TGFBR2: variants seen among roughly 807,000 people sequenced by gnomAD.
The protein encoded by TGFBR2 is TGF-beta receptor type-2.
A neutral mutation model predicts 49.0 loss-of-function variants in TGFBR2; 18 were observed. The ratio of observed to expected loss-of-function variants is 0.37; its 90% confidence interval spans 0.25 to 0.54. The LOEUF is 0.54. Ranked by LOEUF, TGFBR2 falls within the 20% of genes least tolerant of loss-of-function variation. TGFBR2 has a pLI of 0.85. For synonymous variants in TGFBR2, 282 were observed against 275.9 expected (o/e 1.02, Z -0.22); for missense variants, 525 against 722.6 (o/e 0.73, Z 3.13).
intron 3 of TGFBR2, among the ~76,000 whole-genome samples, chr3:30,663,544 A>G (rs559943416): frequency 8.5e-5 from 13 of 152,336 alleles, no homozygotes; most frequent in Admixed American, 2.0e-4. Context: ...CAAAAAAGCA[A>G]GGTTTGCCAT....
At chr3:30,659,341 T>C (rs192759465) in intron 3 of TGFBR2, among the ~76,000 whole-genome samples, 1 of 152,312 alleles carries the variant, frequency 6.6e-6, no homozygotes, top group African/African-American at 2.4e-5. Context: ...TTTGAGGTGA[T>C]GACTCAGAGC....
intron 5 of TGFBR2, 43 bp from the exon 6 acceptor site, chr3:30,688,341 A>G (rs1699658820): frequency 6.2e-7 from 1 of 1,613,920 alleles, no homozygotes; most frequent in Non-Finnish European, 8.5e-7. Flanking sequence ...TTGGCTGCAC[A>G]TGCCATTCTC....
In TGFBR2 at chr3:30,611,738, T is replaced by C. The variant is rs371829815; in HGVS notation, c.94+4761T>C. Among the ~76,000 whole-genome samples, 219 of 152,276 alleles carry C rather than the reference T, an allele frequency of 1.4e-3. 1 individual carries two copies. Among genetic ancestry groups the C allele is most frequent in the African/African-American group, 5.2e-3 (217 of 41,540 alleles). On this transcript the variant is annotated intron_variant, in intron 1 of 6. Coordinates refer to ENST00000295754, the MANE Select transcript of TGFBR2 (RefSeq NM_003242.6). ...CGTTGGTTGAAGGGAAGTGTGGTCT[T>C]GTAGCCACCACTGCCTACTCTAGAG...
In TGFBR2 at chr3:30,620,969, T is replaced by C. The variant is rs76345975; in HGVS notation, c.94+13992T>C. Among the ~76,000 whole-genome samples, 614 of 152,346 alleles carry C rather than the reference T, an allele frequency of 4.0e-3. 9 individuals are homozygous for C. Among genetic ancestry groups the C allele is most frequent in the Non-Finnish European group, 3.4e-3 (234 of 68,034 alleles). The stretch of plus-strand genomic sequence containing the variant: ...ACTTAAATATGAGGCCTTTCTTACC[T>C]GGGTGCTTAATAGGAGTGGGTTTCT... On this transcript the variant is annotated intron_variant, in intron 1 of 6. Coordinates refer to ENST00000295754, the MANE Select transcript of TGFBR2 (RefSeq NM_003242.6).
intron 1 of TGFBR2, among the ~76,000 whole-genome samples, chr3:30,607,821 A>C (rs966555053): frequency 6.6e-5 from 9 of 136,004 alleles, no homozygotes; most frequent in Non-Finnish European, 1.4e-4. Flanking sequence ...TATTATATAT[A>C]TATAAATATA....
At chr3:30,652,697 A>G (rs543576847) in intron 3 of TGFBR2, among the ~76,000 whole-genome samples, 2 of 152,314 alleles carry the variant, frequency 1.3e-5, no homozygotes, top group African/African-American at 2.4e-5. Context: ...CTCTGACAGT[A>G]GAATACCCAG....
chr3:30,621,925 G>A (rs2125452623), intron 1 of TGFBR2, among the ~76,000 whole-genome samples: 1 of 152,244 alleles, frequency 6.6e-6, no homozygotes, highest in South Asian at 2.1e-4. Flanking sequence ...AAGCCTATTG[G>A]CTTTGTTACT....
intron 5 of TGFBR2, 72 bp from the exon 6 acceptor site, chr3:30,688,312 C>CT (rs1699658315): frequency 1.2e-6 from 2 of 1,607,698 alleles, no homozygotes; most frequent in African/African-American, 2.7e-5. Flanking sequence ...AGCCAGGCAT[C>CT]TCACCATGCT....
chr3:30,627,990 T>C (rs963362441), intron 1 of TGFBR2, among the ~76,000 whole-genome samples: 1 of 152,112 alleles, frequency 6.6e-6, no homozygotes, highest in African/African-American at 2.4e-5. Flanking sequence ...TTTCCATTCC[T>C]GTGCTTTGGA....
At position 30,644,818 on chromosome 3, in the gene TGFBR2, G is replaced by A. The variant is rs200924849; in HGVS notation, c.166G>A (p.Val56Met). ...KFPQLCKFCD[V>M]RFSTCDNQKS... ...TCCACAACTGTGTAAATTTTGTGAT[G>A]TGAGATTTTCCACCTGTGACAACCA... is the stretch of plus-strand genomic sequence containing the variant. The change falls in exon 2 of 7, where the codon GTG becomes ATG. Residue 56 changes from valine to methionine, a missense_variant. Val to Met is a conservative substitution (Grantham distance 21). Transcript: ENST00000295754. The A allele has an allele frequency of 1.2e-6, 2 of 1,614,040 alleles. No homozygotes were observed. The highest frequency in any genetic ancestry group is 1.7e-6 in the Non-Finnish European group (2 of 1,180,016).
rs1420663490 is a variant in TGFBR2, at chr3:30,693,756, GATTCAAGAGT to G, written c.*2162_*2171del. 8.6e-6 allele frequency: 2 copies of G among 233,432 alleles called. No individual in the cohort carries two copies. The highest frequency in any genetic ancestry group is 1.7e-5 in the Non-Finnish European group (2 of 117,904). The allele number at this position is 233,432 out of a possible 1,614,324, so 14.5% of individuals were successfully genotyped here. A position where few individuals can be genotyped will look rare whatever the true frequency, so the allele number is the denominator to read the frequency against. ...ACTGGTCCATTCATGAGATATTCAA[GATTCAAGAGT>G]ATTCTCACTTCTGGGTTATCAGCAT... On this transcript the variant is annotated 3_prime_UTR_variant, in exon 7 of 7. Coordinates refer to ENST00000295754, the MANE Select transcript of TGFBR2 (RefSeq NM_003242.6).
At chr3:30,612,040 A>G (rs186772701) in intron 1 of TGFBR2, among the ~76,000 whole-genome samples, 89 of 152,318 alleles carry the variant, frequency 5.8e-4, no homozygotes, top group Non-Finnish European at 1.1e-3. Flanking sequence ...TTTGCTCCAC[A>G]GGTACTTGTT....
chr3:30,680,807 A>G (rs1200247734), intron 5 of TGFBR2, among the ~76,000 whole-genome samples: 4 of 152,232 alleles, frequency 2.6e-5, no homozygotes, highest in African/African-American at 4.8e-5. Context: ...TGAAATCGCC[A>G]TTCAGCAAGG....
At chr3:30,635,088 A>G (rs954847166) in intron 1 of TGFBR2, among the ~76,000 whole-genome samples, 6 of 152,214 alleles carry the variant, frequency 3.9e-5, no homozygotes, top group African/African-American at 1.4e-4. Flanking sequence ...AGTATTTACT[A>G]TAAACTGCTT....
At chr3:30,690,897 T>TA (rs1699697094) in intron 6 of TGFBR2, among the ~76,000 whole-genome samples, 1 of 152,232 alleles carries the variant, frequency 6.6e-6, no homozygotes, top group Admixed American at 6.5e-5. Flanking sequence ...TTGATAATGA[T>TA]ACGTCAGTGT....
At chr3:30,640,658 T>TA (rs11367094) in intron 1 of TGFBR2, among the ~76,000 whole-genome samples, 1 of 151,904 alleles carries the variant, frequency 6.6e-6, no homozygotes, top group Non-Finnish European at 1.5e-5. Flanking sequence ...TCAATTTTTT[T>TA]AAAAAAATAT....
At chr3:30,656,115 C>T (rs1258941648) in intron 3 of TGFBR2, among the ~76,000 whole-genome samples, 4 of 152,144 alleles carry the variant, frequency 2.6e-5, no homozygotes, top group African/African-American at 9.7e-5. Flanking sequence ...ACTCCCTGAG[C>T]TAATGGGCCC....
In TGFBR2 at chr3:30,669,920, G is replaced by A. The variant is rs560282875; in HGVS notation, c.455-1718G>A. Among the ~76,000 whole-genome samples the A allele has an allele frequency of 3.9e-5, 6 of 152,124 alleles. No homozygotes were observed. The South Asian group carries it at 1.3e-3, about 32-fold the overall frequency. On this transcript the variant is annotated intron_variant, in intron 3 of 6. Transcript: ENST00000295754. ...CTTTATCAGTATCATTTAGGTAATG[G>A]GTTCCCCTTGAGAGAATTTGGTTAT...
Position 30,620,228 on chromosome 3 carries a change from C to T in TGFBR2, c.94+13251C>T, listed in dbSNP as rs951867786. 3.3e-5 allele frequency among the ~76,000 whole-genome samples: 5 copies of T among 152,136 alleles called. No individual in the cohort carries two copies. The South Asian group carries it at 1.0e-3, about 32-fold the overall frequency. On this transcript the variant is annotated intron_variant, in intron 1 of 6. Transcript: ENST00000295754. ...AACAAAACTCTTACTAGAATGAAAA[C>T]TCTTTGAGGGAGAAACTTCTGTCTG... is the stretch of plus-strand genomic sequence containing the variant.
Sources: allele counts gnomAD v4.1 joint callset (sites outside exome capture counted in the v4.1 genomes callset), GRCh38; gene constraint gnomAD v4.1.1; transcripts MANE v1.5; gene names NCBI Gene and HGNC (gene_info 2026-07-23, HGNC 2026-07-21).